The following CIT variants were observed in gnomAD, a reference collection of about 807,000 sequenced individuals.
The protein encoded by CIT is citron Rho-interacting kinase.
A neutral mutation model predicts 272.7 loss-of-function variants in CIT; 79 were observed. The ratio of observed to expected loss-of-function variants is 0.29; its 90% CI spans 0.24 to 0.35. CIT has a LOEUF of 0.35. Among genes scored for constraint, CIT ranks in the 10% least tolerant of loss-of-function variants. The probability of loss-of-function intolerance (pLI) is 1.00; values close to 1 mark genes in which losing one functional copy is unlikely to be tolerated. For synonymous variants in CIT, 948 were observed against 995.6 expected (o/e 0.95, Z 0.90); for missense variants, 1,909 against 2,618.3 (o/e 0.73, Z 5.91).
At chr12:119,803,542 G>C in intron 9 of CIT, 153 bp from the exon 10 acceptor site, 1 of 525,008 alleles carries the variant, frequency 1.9e-6, no homozygotes, top group South Asian at 2.8e-5. Context: ...GGCTCCTACA[G>C]CAACAAGAGA....
intron 22 of CIT, among the ~76,000 whole-genome samples, chr12:119,756,274 AAGGAACGAAACAC>A (rs1441647508): frequency 6.6e-6 from 1 of 152,220 alleles, no homozygotes; most frequent in East Asian, 1.9e-4. Flanking sequence ...CAAAGTAACA[AAGGAACGAAACAC>A]AGGAACGAAG....
At chr12:119,818,283 T>C (rs1306149923) in intron 9 of CIT, among the ~76,000 whole-genome samples, 4 of 152,098 alleles carry the variant, frequency 2.6e-5, no homozygotes, top group Non-Finnish European at 5.9e-5. Context: ...CTAAACAATA[T>C]TGTTGACCAT....
At chr12:119,861,875 C>A (rs979471135) in intron 3 of CIT, among the ~76,000 whole-genome samples, 1 of 152,184 alleles carries the variant, frequency 6.6e-6, no homozygotes, top group Non-Finnish European at 1.5e-5. Context: ...TTGAAACAAC[C>A]TACAAGTCCG....
chr12:119,854,999 C>T (rs1970494394), intron 4 of CIT, among the ~76,000 whole-genome samples: 1 of 152,086 alleles, frequency 6.6e-6, no homozygotes, highest in Non-Finnish European at 1.5e-5. Context: ...CAGCACATGC[C>T]TATGGTCCCA....
chr12:119,731,554 A>C (rs1215000392), intron 26 of CIT, among the ~76,000 whole-genome samples: 1 of 151,624 alleles, frequency 6.6e-6, no homozygotes, highest in Admixed American at 6.6e-5. Context: ...TAAAGAATAG[A>C]AAAACCAGAA....
intron 22 of CIT, among the ~76,000 whole-genome samples, chr12:119,755,533 T>C (rs947138035): frequency 5.9e-5 from 9 of 152,190 alleles, no homozygotes; most frequent in Non-Finnish European, 1.3e-4. Context: ...ACATGAGACA[T>C]TGTATCTTCC....
At chr12:119,715,080 T>C (rs1034315077) in intron 32 of CIT, among the ~76,000 whole-genome samples, 4 of 152,184 alleles carry the variant, frequency 2.6e-5, no homozygotes, top group African/African-American at 9.7e-5. Flanking sequence ...CTTGTGGTAG[T>C]GAATAAGATC....
chr12:119,806,042 C>T (rs1376489354), intron 9 of CIT, among the ~76,000 whole-genome samples: 1 of 140,042 alleles, frequency 7.1e-6, no homozygotes, highest in Non-Finnish European at 1.5e-5. Context: ...GAGGCTGAGG[C>T]AAGAGAATCG....
rs936728844 is a variant in CIT, at chr12:119,804,550, T to A, written c.1112-1161A>T. On this transcript the variant is annotated intron_variant, in intron 9 of 47. Transcript: ENST00000392521. The surrounding 1 kb of genome is among the most constrained non-coding windows in gnomAD (Gnocchi z 5.3). ...TCGCTAGAGCTCCCCCTAGGACAGT[T>A]GTCACAGCCCTTCACAGCCCAGACT... The A allele has an allele frequency of 1.1e-6, 1 of 931,296 alleles. No individual in the cohort carries two copies. The highest frequency in any genetic ancestry group is 1.3e-6 in the Non-Finnish European group (1 of 780,548). The allele number at this position is 931,296 out of a possible 1,614,324, so 57.7% of individuals were successfully genotyped here. A position where few individuals can be genotyped will look rare whatever the true frequency, so the allele number is the denominator to read the frequency against.
intron 5 of CIT, among the ~76,000 whole-genome samples, chr12:119,843,804 C>G (rs746207648): frequency 2.6e-5 from 4 of 151,852 alleles, no homozygotes; most frequent in Non-Finnish European, 5.9e-5. Context: ...GAGACTCCAT[C>G]TCAAAATAAA....
chr12:119,866,754 G>A (rs1434526153), intron 3 of CIT, among the ~76,000 whole-genome samples: 1 of 152,212 alleles, frequency 6.6e-6, no homozygotes, highest in Non-Finnish European at 1.5e-5. Flanking sequence ...AAGAGTTGGA[G>A]GCTGCAGTGA....
intron 9 of CIT, among the ~76,000 whole-genome samples, chr12:119,805,696 G>A (rs946619014): frequency 3.3e-5 from 5 of 152,134 alleles, no homozygotes; most frequent in African/African-American, 4.8e-5. Context: ...TTAATGGAGA[G>A]TAAAAGCCAC....
chr12:119,808,703 G>A (rs1000374465), intron 9 of CIT, among the ~76,000 whole-genome samples: 7 of 152,128 alleles, frequency 4.6e-5, no homozygotes, highest in African/African-American at 1.7e-4. Context: ...GTGGGCATGC[G>A]CTAATATTCA....
Position 119,876,098 on chromosome 12 carries a change from G to A in CIT, c.71C>T (p.Ala24Val), listed in dbSNP as rs746407024. 3 of 1,613,658 alleles carry A rather than the reference G, an allele frequency of 1.9e-6. No individual in the cohort carries two copies. The highest frequency in any genetic ancestry group is 2.5e-6 in the Non-Finnish European group (3 of 1,179,620). ...CTGGAAGAACAGATTCAGCCTGGAG[G>A]CCCGGCTGGCAATGGGTTCAGCAGC... Reference protein sequence around the residue: ...AGAAEPIASRASRLNLFFQGK... With the variant: ...AGAAEPIASRVSRLNLFFQGK... Residue 24 changes from alanine to valine, a missense_variant, in exon 2 of 48, where the codon GCC (alanine) becomes GTC (valine). Coordinates refer to ENST00000392521, the MANE Select transcript of CIT (RefSeq NM_001206999.2).
Position 119,690,613 on chromosome 12 carries a change from T to C in CIT, c.5883-159A>G, listed in dbSNP as rs1955888853. ...GGACTTTGCCTGCATTTGATTTTGG[T>C]AGCAAAGACAGGGAAGAGAGCAAAG... On this transcript the variant is annotated intron_variant, in intron 46 of 47. Transcript: ENST00000392521. This position sits in a 1 kb window ranked among gnomAD's most constrained non-coding sequence, Gnocchi z 6.0. Among the ~76,000 whole-genome samples, 1 of 152,174 alleles carries C rather than the reference T, an allele frequency of 6.6e-6. No individual in the cohort carries two copies. The highest frequency in any genetic ancestry group is 1.5e-5 in the Non-Finnish European group (1 of 68,032).
At chr12:119,806,393 T>C (rs1003164966) in intron 9 of CIT, among the ~76,000 whole-genome samples, 3 of 151,938 alleles carry the variant, frequency 2.0e-5, no homozygotes, top group African/African-American at 7.3e-5. Flanking sequence ...AGTGATGAGA[T>C]GTTTACCCTT....
chr12:119,777,764 G>A (rs367912347), intron 13 of CIT, among the ~76,000 whole-genome samples: 1 of 151,320 alleles, frequency 6.6e-6, no homozygotes, highest in African/African-American at 2.4e-5. Flanking sequence ...CACACCATAC[G>A]AAATGCACAG....
At chr12:119,829,890 A>G (rs1566100547) in intron 7 of CIT, among the ~76,000 whole-genome samples, 1 of 152,096 alleles carries the variant, frequency 6.6e-6, no homozygotes, top group Non-Finnish European at 1.5e-5. Flanking sequence ...CGAAGATATT[A>G]CGTGGGGGTG....
intron 4 of CIT, among the ~76,000 whole-genome samples, chr12:119,851,905 C>T (rs1223992773): frequency 1.3e-5 from 2 of 151,974 alleles, no homozygotes. Context: ...TGGTGGTGTT[C>T]GCTTACAGTC....
Sources: gnomAD v4.1 joint callset for allele counts (sites outside exome capture counted in the v4.1 genomes callset) on GRCh38, gnomAD v4.1.1 for gene constraint, Gnocchi (gnomAD v3.1) non-coding constraint, MANE v1.5 for transcripts, NCBI Gene and HGNC (gene_info 2026-07-23, HGNC 2026-07-21) for gene names.